Variants in HSP90AA1 observed in about 807,000 individuals in gnomAD.
HSP90AA1 encodes the protein heat shock protein 90 alpha family class A member 1.
HSP90AA1 carries 18 observed loss-of-function variants against 73.3 expected under a neutral mutation model. The ratio of observed to expected loss-of-function variants is 0.25; its 90% CI spans 0.17 to 0.36. The LOEUF is 0.36. HSP90AA1 is among the 10% of genes least tolerant of loss of function. The pLI is 1.00. For synonymous variants in HSP90AA1, 477 were observed against 296.9 expected (o/e 1.61, Z -6.24); for missense variants, 704 against 874.2 (o/e 0.81, Z 2.45).
intron 1 of HSP90AA1, among the ~76,000 whole-genome samples, chr14:102,128,637 A>G (rs1246120068): frequency 6.7e-6 from 1 of 150,146 alleles, no homozygotes; most frequent in Non-Finnish European, 1.5e-5. Flanking sequence ...TCGGAAAAAA[A>G]AAAAAAAAAA....
At chr14:102,089,060 A>C (rs2152615463), upstream of HSP90AA1, among the ~76,000 whole-genome samples, 1 of 152,110 alleles carries the variant, frequency 6.6e-6, no homozygotes, top group Admixed American at 6.5e-5. Context: ...AGCTGGGATT[A>C]CAGGCACCCA....
At position 102,083,056 on chromosome 14, in the gene HSP90AA1, A is replaced by G. The variant is rs2049136459; in HGVS notation, c.1733T>C (p.Ile578Thr). 1.2e-6 allele frequency: 2 copies of G among 1,613,706 alleles called. No homozygotes were observed. Among genetic ancestry groups the G allele is most frequent in the Admixed American group, 1.7e-5 (1 of 60,002 alleles). ...FENLCKIMKD[I>T]LEKKVEKVVV... ...TACCTTTTCAACTTTTTTCTCCAAT[A>G]TGTCTTTCATGATTTTGCAGAGGTT... The change falls in exon 9 of 11, where the codon ATA (isoleucine) becomes ACA (threonine). Residue 578 changes from isoleucine to threonine, a missense_variant. Ile to Thr is a moderately conservative substitution (Grantham distance 89, BLOSUM62 -1). Transcript: ENST00000216281.
Position 102,085,133 on chromosome 14 carries a change from G to C in HSP90AA1, c.664-135C>G, listed in dbSNP as rs1385546452. The C allele has an allele frequency of 6.0e-6, 9 of 1,501,458 alleles. No individual in the cohort carries two copies. In the East Asian group the frequency reaches 2.0e-4, roughly 34 times the overall value. 93.0% of individuals were successfully genotyped at this position (1,501,458 alleles called of 1,614,324 possible). A position where few individuals can be genotyped will look rare whatever the true frequency, so the allele number is the denominator to read the frequency against. On this transcript the variant is annotated intron_variant, in intron 4 of 10. Coordinates refer to ENST00000216281, the MANE Select transcript of HSP90AA1 (RefSeq NM_005348.4). Reference sequence around the variant, plus strand: ...AGCACCCAGCTTTTCATCAATATTTGATACATCCACTTAATAGCCCGAGGA... The same window carrying C: ...AGCACCCAGCTTTTCATCAATATTTCATACATCCACTTAATAGCCCGAGGA...
At chr14:102,129,675 G>T (rs896448051) in intron 1 of HSP90AA1, among the ~76,000 whole-genome samples, 1 of 151,758 alleles carries the variant, frequency 6.6e-6, no homozygotes, top group African/African-American at 2.4e-5. Flanking sequence ...GCTAATTTTT[G>T]TATTTTTTTA....
At chr14:102,083,382 A>T in intron 8 of HSP90AA1, 80 bp from the exon 9 acceptor site, 2 of 1,522,476 alleles carry the variant, frequency 1.3e-6, no homozygotes, top group Non-Finnish European at 1.8e-6. Flanking sequence ...CTTGCTAGCC[A>T]GATACCTAGG....
chr14:102,139,157 C>T, intron 1 of HSP90AA1: 1 of 1,461,640 alleles, frequency 6.8e-7, no homozygotes, highest in Admixed American at 1.8e-5. Context: ...GGATATCTGG[C>T]TTGAGAACAC....
At chr14:102,139,120 G>C in intron 1 of HSP90AA1, 1 of 1,145,016 alleles carries the variant, frequency 8.7e-7, no homozygotes, top group Non-Finnish European at 1.3e-6. Flanking sequence ...AGCGGAGGCC[G>C]CCAGTGCTCA....
At chr14:102,091,448 C>A (rs1342882979), upstream of HSP90AA1, among the ~76,000 whole-genome samples, 2 of 151,946 alleles carry the variant, frequency 1.3e-5, no homozygotes, top group African/African-American at 4.8e-5. Flanking sequence ...CATGGTGAAA[C>A]CCCATCTCTA....
rs1342866828 is a variant in HSP90AA1, at chr14:102,082,220, C to T, written c.1980G>A (p.Lys660=). 6.2e-7 allele frequency: 1 copy of T among 1,613,854 alleles called. No individual in the cohort carries two copies. The highest frequency in any genetic ancestry group is 2.2e-5 in the East Asian group (1 of 44,880). The change falls in exon 10 of 11, where the codon AAG becomes AAA. Residue 660 remains lysine (K), a synonymous_variant. Coordinates refer to ENST00000216281, the MANE Select transcript of HSP90AA1 (RefSeq NM_005348.4). ...TTTCATAAAGCAAGATGACCAGATCCTTCACAGACTTGTCGTTCTTATCAG... is the reference window on the plus strand; with the variant it reads ...TTTCATAAAGCAAGATGACCAGATCTTTCACAGACTTGTCGTTCTTATCAG... ...AEADKNDKSV[K]DLVILLYETA...
intron 1 of HSP90AA1, among the ~76,000 whole-genome samples, chr14:102,102,800 C>T (rs2049511409): frequency 6.6e-6 from 1 of 151,994 alleles, no homozygotes; most frequent in Non-Finnish European, 1.5e-5. Flanking sequence ...ACTTTGGAGG[C>T]CAAGGGGAGT....
exon 1 of HSP90AA1, chr14:102,139,635 G>A (rs541100503): frequency 3.1e-6 from 2 of 643,048 alleles, no homozygotes; most frequent in East Asian, 5.5e-5. Flanking sequence ...GACCCCACTA[G>A]CTGAAGCCGG....
upstream of HSP90AA1, among the ~76,000 whole-genome samples, chr14:102,088,170 G>T (rs1449380729): frequency 6.6e-6 from 1 of 152,022 alleles, no homozygotes; most frequent in Non-Finnish European, 1.5e-5. Context: ...TCACCATGTT[G>T]CCCAGGCTGG....
intron 1 of HSP90AA1, among the ~76,000 whole-genome samples, chr14:102,102,944 C>T (rs1030489374): frequency 6.6e-6 from 1 of 151,816 alleles, no homozygotes; most frequent in Non-Finnish European, 1.5e-5. Context: ...TTTGGGAGGC[C>T]GAGGTGGGCA....
At chr14:102,115,233 A>C (rs538727555) in intron 1 of HSP90AA1, among the ~76,000 whole-genome samples, 1 of 152,228 alleles carries the variant, frequency 6.6e-6, no homozygotes, top group South Asian at 2.1e-4. Flanking sequence ...CGGGAGGTAG[A>C]GTGAGCCAAA....
intron 2 of HSP90AA1, chr14:102,101,863 T>C: frequency 6.2e-7 from 1 of 1,604,384 alleles, no homozygotes; most frequent in Admixed American, 1.7e-5. Context: ...TTTTAAACCT[T>C]AGTCCACTTA....
chr14:102,102,746 A>G (rs926433267), intron 1 of HSP90AA1, among the ~76,000 whole-genome samples: 18 of 152,226 alleles, frequency 1.2e-4, no homozygotes, highest in African/African-American at 3.9e-4. Flanking sequence ...GTACATAATA[A>G]GCACTCAAGG....
intron 1 of HSP90AA1, among the ~76,000 whole-genome samples, chr14:102,118,671 C>A (rs1481222996): frequency 2.0e-5 from 3 of 152,070 alleles, no homozygotes; most frequent in Non-Finnish European, 2.9e-5. Flanking sequence ...TTTTAAAAAT[C>A]ACATACAAAA....
At chr14:102,085,198 G>T in intron 4 of HSP90AA1, 100 bp downstream of exon 4, 1 of 1,440,964 alleles carries the variant, frequency 6.9e-7, no homozygotes, top group Non-Finnish European at 9.7e-7. Flanking sequence ...GGTTCCCCAG[G>T]CTTCAGACTA....
Position 102,138,198 on chromosome 14 carries a change from C to G in HSP90AA1, c.155+1052G>C, listed in dbSNP as rs548072241. Reference sequence around the variant, plus strand: ...AGAATAATACAAAATTTTGTTTTAACTTTTGCTCGCTGGGTTTTTTTCCCC... The same window carrying G: ...AGAATAATACAAAATTTTGTTTTAAGTTTTGCTCGCTGGGTTTTTTTCCCC... On this transcript the variant is annotated intron_variant, in intron 1 of 11. Transcript: ENST00000334701. Among the ~76,000 whole-genome samples the G allele has an allele frequency of 4.9e-5, 6 of 122,660 alleles. No homozygotes were observed. The East Asian group carries it at 1.6e-3, about 32-fold the overall frequency. 80.5% of individuals were successfully genotyped at this position (122,660 alleles called of 152,430 possible). A position where few individuals can be genotyped will look rare whatever the true frequency, so the allele number is the denominator to read the frequency against.
Sources: allele counts gnomAD v4.1 joint callset (sites outside exome capture counted in the v4.1 genomes callset), GRCh38; gene constraint gnomAD v4.1.1; transcripts MANE v1.5; gene names NCBI Gene and HGNC (gene_info 2026-07-23, HGNC 2026-07-21).